The following CLIC6 variants were observed in gnomAD, a reference collection of about 807,000 sequenced individuals.
The protein encoded by CLIC6 is CLIC family member 6, also known as chloride intracellular channel protein 6.
CLIC6 carries 39 observed loss-of-function variants against 49.2 expected under a neutral mutation model. The observed-to-expected ratio is 0.79, with a 90% CI of 0.61 to 1.04. The LOEUF (loss-of-function observed/expected upper bound fraction) is 1.04, where lower values mean the gene tolerates loss of function less well. Among genes scored for constraint, CLIC6 ranks in the 50% least tolerant of loss-of-function variants. CLIC6 has a pLI of 0.00. For synonymous variants in CLIC6, 446 were observed against 433.4 expected (o/e 1.03, Z -0.36); for missense variants, 988 against 993.1 (o/e 0.99, Z 0.07).
At chr21:34,706,019 G>A (rs1279262336) in intron 1 of CLIC6, 3 of 676,596 alleles carry the variant, frequency 4.4e-6, no homozygotes, top group Admixed American at 2.2e-5. Flanking sequence ...CTTTTCTTTT[G>A]TATTTAGGTA....
At chr21:34,696,120 C>G (rs1264139458) in intron 1 of CLIC6, among the ~76,000 whole-genome samples, 1 of 152,134 alleles carries the variant, frequency 6.6e-6, no homozygotes, top group Non-Finnish European at 1.5e-5. Flanking sequence ...CCATTGTCAT[C>G]TGGAGTTGTA....
chr21:34,713,456 C>T (rs190159314), intron 5 of CLIC6, among the ~76,000 whole-genome samples: 7 of 152,220 alleles, frequency 4.6e-5, no homozygotes, highest in South Asian at 2.1e-4. Context: ...AAGACACAGA[C>T]GAAGACATTG....
At chr21:34,688,067 C>CA (rs538310691) in intron 1 of CLIC6, among the ~76,000 whole-genome samples, 36 of 151,558 alleles carry the variant, frequency 2.4e-4, no homozygotes, top group East Asian at 1.4e-3. Flanking sequence ...TATTTATTTA[C>CA]AAAAAAAAAT....
intron 1 of CLIC6, among the ~76,000 whole-genome samples, chr21:34,674,584 GATGC>G (rs1437333679): frequency 6.6e-6 from 1 of 152,102 alleles, no homozygotes; most frequent in Middle Eastern, 3.2e-3. Flanking sequence ...AGCATGCAAG[GATGC>G]ATTCTTGTAC....
At chr21:34,713,563 C>T (rs1409076196) in intron 5 of CLIC6, among the ~76,000 whole-genome samples, 1 of 151,374 alleles carries the variant, frequency 6.6e-6, no homozygotes, top group East Asian at 1.9e-4. Context: ...ATTTGGAAGA[C>T]AAGCCTGAGA....
chr21:34,706,678 A>C (rs1352238012), intron 1 of CLIC6, among the ~76,000 whole-genome samples: 2 of 152,198 alleles, frequency 1.3e-5, no homozygotes, highest in African/African-American at 4.8e-5. Context: ...ATCATGCAGG[A>C]AGCTTTGAGT....
chr21:34,689,386 G>A (rs1169346806), intron 1 of CLIC6, among the ~76,000 whole-genome samples: 1 of 152,180 alleles, frequency 6.6e-6, no homozygotes, highest in East Asian at 1.9e-4. Flanking sequence ...GAAGAATGAT[G>A]TTTTTCCTTT....
chr21:34,675,768 GC>G (rs748554064), intron 1 of CLIC6, among the ~76,000 whole-genome samples: 39 of 152,288 alleles, frequency 2.6e-4, no homozygotes, highest in Non-Finnish European at 4.3e-4. Flanking sequence ...TGGGCTCATG[GC>G]AGGCCCTCCA....
intron 1 of CLIC6, among the ~76,000 whole-genome samples, chr21:34,678,588 A>C (rs958632829): frequency 6.6e-6 from 1 of 152,240 alleles, no homozygotes; most frequent in Admixed American, 6.5e-5. Context: ...GTTCTTTCAC[A>C]GTGAATAAGA....
At chr21:34,678,220 A>G (rs753969422) in intron 1 of CLIC6, among the ~76,000 whole-genome samples, 43 of 151,762 alleles carry the variant, frequency 2.8e-4, no homozygotes, top group Non-Finnish European at 4.9e-4. Context: ...TCACGAGGTC[A>G]GGAGATTGAG....
Position 34,717,857 on chromosome 21 carries a change from A to G in CLIC6, c.*1375A>G, listed in dbSNP as rs962939284. ...ATTCGTTTGAAAGAGAGTAAGATGCATTAACAGAAACTATCCTGGGATTAG... is the reference window on the plus strand; with the variant it reads ...ATTCGTTTGAAAGAGAGTAAGATGCGTTAACAGAAACTATCCTGGGATTAG... On this transcript the variant is annotated 3_prime_UTR_variant, in exon 6 of 6. Coordinates refer to ENST00000349499, the MANE Select transcript of CLIC6 (RefSeq NM_053277.3). The G allele has an allele frequency of 7.9e-5, 12 of 152,236 alleles. No individual in the cohort carries two copies. Among genetic ancestry groups the G allele is most frequent in the African/African-American group, 2.9e-4 (12 of 41,456 alleles). The allele number at this position is 152,236 out of a possible 1,614,324, so 9.4% of individuals were successfully genotyped here.
At chr21:34,699,038 G>A (rs13051939) in intron 1 of CLIC6, among the ~76,000 whole-genome samples, 25,871 of 152,152 alleles carry the variant, frequency 0.17, 2,251 homozygotes, top group Non-Finnish European at 0.19. Context: ...GCGAGAGAGA[G>A]AGCGCACTTT....
chr21:34,678,275 C>CA (rs375990037), intron 1 of CLIC6, among the ~76,000 whole-genome samples: 9,604 of 122,862 alleles, frequency 0.078, 401 homozygotes, highest in Non-Finnish European at 0.11. Context: ...ACTAAAAATA[C>CA]AAAAAAAAAA....
chr21:34,678,125 C>T (rs1246425089), intron 1 of CLIC6, among the ~76,000 whole-genome samples: 1 of 67,318 alleles, frequency 1.5e-5, no homozygotes, highest in Non-Finnish European at 2.8e-5. Flanking sequence ...ATATTTATTA[C>T]TGGGCCCTTT....
chr21:34,697,939 C>G (rs1293676695), intron 1 of CLIC6, among the ~76,000 whole-genome samples: 1 of 152,208 alleles, frequency 6.6e-6, no homozygotes, highest in Non-Finnish European at 1.5e-5. Context: ...TAGGAGCTCA[C>G]TGTGATGAGG....
intron 5 of CLIC6, among the ~76,000 whole-genome samples, chr21:34,714,492 A>G (rs1331942978): frequency 2.6e-5 from 4 of 152,128 alleles, no homozygotes; most frequent in Admixed American, 2.6e-4. Context: ...GTTCGAGATC[A>G]GCCTGGGCAA....
chr21:34,680,526 A>C (rs2145800512), intron 1 of CLIC6, among the ~76,000 whole-genome samples: 1 of 152,346 alleles, frequency 6.6e-6, no homozygotes, highest in African/African-American at 2.4e-5. Flanking sequence ...TCCTCAGAAA[A>C]TTGGTTTTTC....
At chr21:34,702,537 C>T (rs1032983473) in intron 1 of CLIC6, among the ~76,000 whole-genome samples, 4 of 152,192 alleles carry the variant, frequency 2.6e-5, no homozygotes, top group Non-Finnish European at 4.4e-5. Context: ...ACGTCAACCC[C>T]CTAGCGTCAG....
chr21:34,670,574 A>G lies in CLIC6; in HGVS notation c.1186A>G (p.Ser396Gly), dbSNP rs1357541436. ...GGGGGGCGAAGAGGAATCCCCCGACAGCAGCCCACATGGGGAGGCCTCCAG... is the reference window on the plus strand; with the variant it reads ...GGGGGGCGAAGAGGAATCCCCCGACGGCAGCCCACATGGGGAGGCCTCCAG... ...AAGGEEESPD[S>G]SPHGEASRGA... The change falls in exon 1 of 6, where the codon AGC becomes GGC. Residue 396 changes from serine (S) to glycine (G), a missense_variant. By Grantham distance (56) the Ser-to-Gly change is moderately conservative. Around this residue, in one of 3 missense-constraint regions of CLIC6, gnomAD observed 647 missense variants for 596.9 expected, o/e 1.08. Transcript: ENST00000349499. 6.6e-6 allele frequency: 10 copies of G among 1,516,978 alleles called. No individual in the cohort carries two copies. The highest frequency in any genetic ancestry group is 8.8e-6 in the Non-Finnish European group (10 of 1,132,896). 94.0% of individuals were successfully genotyped at this position (1,516,978 alleles called of 1,614,324 possible).
Sources: gnomAD v4.1 joint callset for allele counts (sites outside exome capture counted in the v4.1 genomes callset) on GRCh38, gnomAD v4.1.1 for gene constraint, gnomAD v4.1.1 regional missense constraint, MANE v1.5 for transcripts, NCBI Gene and HGNC (gene_info 2026-07-23, HGNC 2026-07-21) for gene names.